HHLA2: variants seen among roughly 807,000 people sequenced by gnomAD.
The protein encoded by HHLA2 is HHLA2 member of B7 family, also known as HERV-H LTR-associating protein 2.
HHLA2 carries 48 observed loss-of-function variants against 45.9 expected under a neutral mutation model. The observed-to-expected ratio is 1.05, with a 90% CI of 0.83 to 1.33. The LOEUF is 1.33. HHLA2 is among the 40% of genes most tolerant of loss of function. The pLI is 0.00. For missense variants in HHLA2, 462 were observed against 494.3 expected (o/e 0.93, Z 0.62); for synonymous variants, 161 against 173.9 (o/e 0.93, Z 0.59).
intron 2 of HHLA2, among the ~76,000 whole-genome samples, chr3:108,313,944 C>A (rs1035021862): frequency 6.6e-6 from 1 of 152,058 alleles, no homozygotes; most frequent in Admixed American, 6.5e-5. Flanking sequence ...GTCTCCAGAC[C>A]CCAACTAAGT....
intron 8 of HHLA2, among the ~76,000 whole-genome samples, chr3:108,370,200 G>A (rs2082144108): frequency 6.6e-6 from 1 of 152,168 alleles, no homozygotes; most frequent in African/African-American, 2.4e-5. Flanking sequence ...CAGGCAAACA[G>A]TGTCTGGGTG....
At chr3:108,321,160 G>A (rs2081194691) in intron 2 of HHLA2, among the ~76,000 whole-genome samples, 1 of 149,324 alleles carries the variant, frequency 6.7e-6, no homozygotes, top group African/African-American at 2.5e-5. Flanking sequence ...GCAGAGGCAT[G>A]TCCATTTAGA....
intron 2 of HHLA2, among the ~76,000 whole-genome samples, chr3:108,321,814 G>T (rs778251262): frequency 1.1e-4 from 17 of 151,702 alleles, no homozygotes; most frequent in Non-Finnish European, 2.1e-4. Flanking sequence ...CTTATTTTCT[G>T]CCTCTGTGTC....
At chr3:108,336,979 C>T (rs2081482471) in intron 3 of HHLA2, among the ~76,000 whole-genome samples, 2 of 152,066 alleles carry the variant, frequency 1.3e-5, no homozygotes, top group Admixed American at 1.3e-4. Context: ...ATTTTACACA[C>T]AGTGTGCTGG....
At chr3:108,344,925 G>A (rs762666373) in intron 3 of HHLA2, among the ~76,000 whole-genome samples, 3 of 152,154 alleles carry the variant, frequency 2.0e-5, no homozygotes, top group South Asian at 2.1e-4. Context: ...GAAACATTTC[G>A]TGATTGAAGG....
At chr3:108,305,152 C>G (rs1484085234) in intron 1 of HHLA2, among the ~76,000 whole-genome samples, 2 of 152,064 alleles carry the variant, frequency 1.3e-5, no homozygotes, top group Admixed American at 6.6e-5. Context: ...CTCTAATCTG[C>G]TTAATATGCT....
intron 2 of HHLA2, among the ~76,000 whole-genome samples, chr3:108,321,889 T>C (rs900269939): frequency 4.6e-5 from 7 of 152,210 alleles, no homozygotes; most frequent in African/African-American, 1.7e-4. Flanking sequence ...TCTGCTCTTA[T>C]GTTCTCAATT....
Position 108,339,817 on chromosome 3 carries a change from G to A in HHLA2, c.-27+11470G>A, listed in dbSNP as rs532459695. On this transcript the variant is annotated intron_variant, in intron 3 of 10. Coordinates refer to ENST00000619531, the Ensembl canonical transcript of HHLA2. ...ACAAGTACAAAAGAACACTCCATTTGTTGGCCAGGGAAGAGTGGCTGGACC... is the reference window on the plus strand; with the variant it reads ...ACAAGTACAAAAGAACACTCCATTTATTGGCCAGGGAAGAGTGGCTGGACC... 2.0e-5 allele frequency among the ~76,000 whole-genome samples: 3 copies of A among 152,234 alleles called. No individual in the cohort carries two copies. The South Asian group carries it at 6.2e-4, about 32-fold the overall frequency.
At position 108,355,432 on chromosome 3, in the gene HHLA2, G is replaced by GTA; in HGVS notation, c.685+52_685+53dup. 8.4e-6 allele frequency: 13 copies of GTA among 1,555,496 alleles called. No homozygotes were observed. The South Asian group carries it at 1.6e-4, about 19-fold the overall frequency. On this transcript the variant is annotated intron_variant, in intron 6 of 10. Coordinates refer to ENST00000619531, the Ensembl canonical transcript of HHLA2. Reference sequence around the variant, plus strand: ...ACACGTGCTGTTTCAAAGTTGGGGGGTAATGGGGACTGATTTGCAAAAAAA... The same window carrying GTA: ...ACACGTGCTGTTTCAAAGTTGGGGGGTATAATGGGGACTGATTTGCAAAAAAA...
intron 2 of HHLA2, among the ~76,000 whole-genome samples, chr3:108,327,409 C>A (rs1053507699): frequency 2.6e-5 from 4 of 152,154 alleles, no homozygotes; most frequent in African/African-American, 9.7e-5. Context: ...ATAATTCCTA[C>A]ACATTCTCCT....
chr3:108,299,185 T>C (rs1462470924), intron 1 of HHLA2, among the ~76,000 whole-genome samples: 3 of 152,120 alleles, frequency 2.0e-5, no homozygotes, highest in Non-Finnish European at 4.4e-5. Flanking sequence ...ATTTCCAAAT[T>C]GACAAATTAT....
intron 1 of HHLA2, among the ~76,000 whole-genome samples, chr3:108,308,852 G>C (rs998646072): frequency 6.6e-6 from 1 of 152,066 alleles, no homozygotes; most frequent in Non-Finnish European, 1.5e-5. Flanking sequence ...TTTTAAATTG[G>C]ATTATTAGAT....
intron 8 of HHLA2, among the ~76,000 whole-genome samples, chr3:108,371,122 T>G (rs1338127046): frequency 6.6e-6 from 1 of 152,214 alleles, no homozygotes; most frequent in South Asian, 2.1e-4. Flanking sequence ...GACTAACAGC[T>G]GATCTCTTGG....
chr3:108,345,245 C>T (rs974437685), intron 3 of HHLA2, among the ~76,000 whole-genome samples: 3 of 152,172 alleles, frequency 2.0e-5, no homozygotes, highest in Non-Finnish European at 4.4e-5. Context: ...CTTGAAGCCA[C>T]CACTGGGGCA....
At chr3:108,343,028 C>A (rs1438033072) in intron 3 of HHLA2, among the ~76,000 whole-genome samples, 2 of 152,156 alleles carry the variant, frequency 1.3e-5, no homozygotes, top group African/African-American at 4.8e-5. Context: ...TGACTCATCC[C>A]TGTACAGTTT....
rs144922481 is a variant in HHLA2, at chr3:108,297,366, T to C, written c.-192+767T>C. Among the ~76,000 whole-genome samples the C allele has an allele frequency of 8.9e-4, 136 of 152,338 alleles. 1 individual carries two copies. In the Middle Eastern group the frequency reaches 0.01, roughly 11 times the overall value. On this transcript the variant is annotated intron_variant, in intron 1 of 10. Transcript: ENST00000619531. The stretch of plus-strand genomic sequence containing the variant: ...ATGGCAAATTGGTGTCATATCCCAT[T>C]ATAAGCATATTTTAATCAAAAGATG...
At position 108,355,337 on chromosome 3, in the gene HHLA2, A is replaced by T. The variant is rs1390149171; in HGVS notation, c.641A>T (p.Asn214Ile). The change falls in exon 6 of 11, where the codon AAT becomes ATT. Residue 214 changes from asparagine (N) to isoleucine (I), a missense_variant. By Grantham distance (149) the Asn-to-Ile change is moderately radical (BLOSUM62 -3). Coordinates refer to ENST00000619531, the Ensembl canonical transcript of HHLA2. ...TCATCTTATGAATGTACAATTGAAA[A>T]TTCACTGCTGAAGCAAACATGGACA... is the stretch of plus-strand genomic sequence containing the variant. 1 of 1,613,920 alleles carries T rather than the reference A, an allele frequency of 6.2e-7. No homozygotes were observed. Among genetic ancestry groups the T allele is most frequent in the East Asian group, 2.2e-5 (1 of 44,880 alleles).
At chr3:108,361,108 C>G (rs60964331) in intron 7 of HHLA2, among the ~76,000 whole-genome samples, 1 of 152,156 alleles carries the variant, frequency 6.6e-6, no homozygotes, top group South Asian at 2.1e-4. Context: ...ATACTAATTT[C>G]AACAATTCTA....
chr3:108,339,742 C>G (rs1415000819), intron 3 of HHLA2, among the ~76,000 whole-genome samples: 3 of 152,144 alleles, frequency 2.0e-5, no homozygotes, highest in Non-Finnish European at 2.9e-5. Context: ...TCTGTTTTTA[C>G]TTACGTGGTC....
Sources: gnomAD v4.1 joint callset for allele counts (sites outside exome capture counted in the v4.1 genomes callset) on GRCh38, gnomAD v4.1.1 for gene constraint, MANE v1.5 for transcripts, NCBI Gene and HGNC (gene_info 2026-07-23, HGNC 2026-07-21) for gene names.